Variants in CCDC73 observed in about 807,000 individuals in gnomAD.
The protein encoded by CCDC73 is coiled-coil domain-containing protein 73.
CCDC73 carries 95 observed loss-of-function variants against 116.5 expected under a neutral mutation model. The observed-to-expected ratio is 0.82, with a 90% CI of 0.69 to 0.97. The LOEUF (loss-of-function observed/expected upper bound fraction) is 0.97, where lower values mean the gene tolerates loss of function less well. Among genes scored for constraint, CCDC73 ranks in the 50% least tolerant of loss-of-function variants. The pLI is 0.00. For synonymous variants in CCDC73, 398 were observed against 401.3 expected (o/e 0.99, Z 0.10); for missense variants, 1,066 against 1,206.8 (o/e 0.88, Z 1.73).
At chr11:32,647,537 A>T (rs1053396840) in intron 12 of CCDC73, among the ~76,000 whole-genome samples, 8 of 152,202 alleles carry the variant, frequency 5.3e-5, no homozygotes, top group Non-Finnish European at 5.9e-5. Context: ...ATTCATATTT[A>T]AAAATGAGGT....
chr11:32,700,529 T>A lies in CCDC73; in HGVS notation c.315+262A>T, dbSNP rs879554561. 6.7e-4 allele frequency among the ~76,000 whole-genome samples: 102 copies of A among 152,338 alleles called. 2 individuals carry two copies. The highest frequency in any genetic ancestry group is 5.8e-3 in the Admixed American group (88 of 15,304). Reference sequence around the variant, plus strand: ...GGGTTCTAGTCCCAATTTTGCCACTTCAAAGTGAGACCTTTGGCAAGTCAT... The same window carrying A: ...GGGTTCTAGTCCCAATTTTGCCACTACAAAGTGAGACCTTTGGCAAGTCAT... On this transcript the variant is annotated intron_variant, in intron 5 of 17. Transcript: ENST00000335185.
intron 2 of CCDC73, among the ~76,000 whole-genome samples, chr11:32,733,567 G>C (rs927768511): frequency 1.3e-5 from 2 of 152,072 alleles, no homozygotes; most frequent in South Asian, 4.1e-4. Context: ...ATAACAAACT[G>C]TCTCTCAGAC....
intron 1 of CCDC73, among the ~76,000 whole-genome samples, chr11:32,771,063 T>A (rs1358752646): frequency 6.6e-6 from 1 of 152,126 alleles, no homozygotes; most frequent in Non-Finnish European, 1.5e-5. Flanking sequence ...GTAGGAGAAA[T>A]CAGTCCTAAA....
intron 6 of CCDC73, among the ~76,000 whole-genome samples, chr11:32,694,862 C>T (rs1414746767): frequency 6.6e-6 from 1 of 152,076 alleles, no homozygotes; most frequent in Admixed American, 6.5e-5. Flanking sequence ...AAGGCCATGA[C>T]TGGATTTAAT....
chr11:32,610,257 G>A (rs1855408640), intron 17 of CCDC73, among the ~76,000 whole-genome samples: 1 of 152,148 alleles, frequency 6.6e-6, no homozygotes, highest in Non-Finnish European at 1.5e-5. Flanking sequence ...TCCCTCCCAT[G>A]ACACATGGGA....
chr11:32,641,007 C>A (rs994373493), intron 13 of CCDC73, among the ~76,000 whole-genome samples: 45 of 137,124 alleles, frequency 3.3e-4, no homozygotes, highest in African/African-American at 1.3e-3. Flanking sequence ...CAGAGTGAGA[C>A]TCTGTCCCCC....
At chr11:32,679,315 C>A (rs1856123432) in intron 7 of CCDC73, among the ~76,000 whole-genome samples, 1 of 152,108 alleles carries the variant, frequency 6.6e-6, no homozygotes, top group Admixed American at 6.6e-5. Context: ...AACACAATTT[C>A]ACTGAAAACT....
intron 14 of CCDC73, among the ~76,000 whole-genome samples, chr11:32,635,010 C>T (rs1855665189): frequency 6.6e-6 from 1 of 152,118 alleles, no homozygotes; most frequent in African/African-American, 2.4e-5. Flanking sequence ...ATTGTAAGCA[C>T]TGTTTACATT....
intron 2 of CCDC73, among the ~76,000 whole-genome samples, chr11:32,721,657 G>A (rs1461945224): frequency 3.3e-5 from 5 of 149,932 alleles, no homozygotes; most frequent in African/African-American, 9.8e-5. Context: ...GCAGTGGTGC[G>A]ATCTCAGTTC....
intron 9 of CCDC73, among the ~76,000 whole-genome samples, chr11:32,666,332 C>A: frequency 6.6e-6 from 1 of 152,192 alleles, no homozygotes; most frequent in East Asian, 1.9e-4. Flanking sequence ...CACATAGTCC[C>A]ATATTTCTTG....
intron 9 of CCDC73, among the ~76,000 whole-genome samples, chr11:32,661,744 T>G (rs1297103629): frequency 1.2e-4 from 18 of 151,768 alleles, no homozygotes; most frequent in African/African-American, 4.4e-4. Context: ...GCAGGTCTGT[T>G]ACATATGTAT....
chr11:32,610,948 T>C (rs1475501243), intron 17 of CCDC73, among the ~76,000 whole-genome samples, 184 bp downstream of exon 17: 2 of 152,248 alleles, frequency 1.3e-5, no homozygotes, highest in Non-Finnish European at 2.9e-5. Flanking sequence ...ATTTGATTTA[T>C]ACACTGTGAC....
intron 1 of CCDC73, among the ~76,000 whole-genome samples, chr11:32,782,707 T>C (rs1191021422): frequency 1.3e-5 from 2 of 152,190 alleles, no homozygotes; most frequent in African/African-American, 4.8e-5. Context: ...TTAAAAATTA[T>C]TTTCTTATCC....
chr11:32,722,018 A>G (rs1269691358), intron 2 of CCDC73, among the ~76,000 whole-genome samples: 1 of 152,212 alleles, frequency 6.6e-6, no homozygotes, highest in African/African-American at 2.4e-5. Context: ...TTTAGCCGCA[A>G]GTAACAACAA....
At chr11:32,799,476 C>A (rs1396832741), upstream of CCDC73, among the ~76,000 whole-genome samples, 1 of 151,784 alleles carries the variant, frequency 6.6e-6, no homozygotes, top group African/African-American at 2.4e-5. Flanking sequence ...ACCACCATGC[C>A]CAGCCTGTGG....
At chr11:32,710,162 G>A (rs914371147) in intron 3 of CCDC73, among the ~76,000 whole-genome samples, 8 of 151,888 alleles carry the variant, frequency 5.3e-5, no homozygotes, top group African/African-American at 1.9e-4. Context: ...TTTATCTTTT[G>A]TATTGTTTTT....
At chr11:32,644,803 T>G (rs950021830) in intron 12 of CCDC73, among the ~76,000 whole-genome samples, 3 of 152,196 alleles carry the variant, frequency 2.0e-5, no homozygotes, top group African/African-American at 4.8e-5. Flanking sequence ...GTCTCTCTAA[T>G]TGTGGCTTTT....
the CCDC73 span, among the ~76,000 whole-genome samples, chr11:32,814,488 A>C: frequency 2.0e-5 from 3 of 152,234 alleles, no homozygotes; most frequent in Non-Finnish European, 4.4e-5. Context: ...GAAAAGAAAG[A>C]AAGCCCCTAA....
intron 2 of CCDC73, among the ~76,000 whole-genome samples, chr11:32,718,385 T>A (rs148642709): frequency 6.6e-6 from 1 of 152,270 alleles, no homozygotes; most frequent in East Asian, 1.9e-4. Context: ...TGACATTTGC[T>A]TACCTGGGAC....
Sources: gnomAD v4.1 joint callset for allele counts (sites outside exome capture counted in the v4.1 genomes callset) on GRCh38, gnomAD v4.1.1 for gene constraint, MANE v1.5 for transcripts, NCBI Gene and HGNC (gene_info 2026-07-23, HGNC 2026-07-21) for gene names.